Variants in CENATAC observed in about 807,000 individuals in gnomAD.
CENATAC encodes coiled-coil domain containing 84.
CENATAC carries 53 observed loss-of-function variants against 53.7 expected under a neutral mutation model. The observed-to-expected ratio is 0.99, with a 90% confidence interval of 0.79 to 1.24. CENATAC has a LOEUF of 1.24. Ranked by LOEUF, CENATAC falls within the 50% of genes most tolerant of loss-of-function variation. CENATAC has a pLI of 0.00. For missense variants in CENATAC, 474 were observed against 417.8 expected, an observed-to-expected ratio of 1.13 and a Z score of -1.17; for synonymous variants, 156 against 144.6, an observed-to-expected ratio of 1.08 and a Z score of -0.57.
In CENATAC at chr11:119,015,330, C is replaced by A. The variant is rs964767391; in HGVS notation, c.829C>A (p.Leu277Ile). The A allele has an allele frequency of 6.8e-6, 11 of 1,612,128 alleles. No individual in the cohort carries two copies. The highest frequency in any genetic ancestry group is 8.5e-6 in the Non-Finnish European group (10 of 1,179,502). Reference protein sequence around the residue: ...KEKEKQKLKKLPPDRVGANFD... With the variant: ...KEKEKQKLKKIPPDRVGANFD... Reference sequence around the variant, plus strand: ...AGAGGAAAAACAGAAGTTGAAAAAACTCCCCCCAGACCGAGTTGGGGCCAA... The same window carrying A: ...AGAGGAAAAACAGAAGTTGAAAAAAATCCCCCCAGACCGAGTTGGGGCCAA... Residue 277 changes from leucine (L) to isoleucine (I), a missense_variant, in exon 10 of 11, where the codon CTC becomes ATC. Coordinates refer to ENST00000334418, the MANE Select transcript of CENATAC (RefSeq NM_198489.3).
chr11:119,006,540 T>C (rs184120031), intron 3 of CENATAC, among the ~76,000 whole-genome samples: 72 of 150,676 alleles, frequency 4.8e-4, no homozygotes, highest in Admixed American at 2.4e-3. Context: ...CGGCCTAATT[T>C]TTGTATTTTT....
chr11:119,007,068 C>T (rs1196183091), intron 3 of CENATAC, among the ~76,000 whole-genome samples: 1 of 152,118 alleles, frequency 6.6e-6, no homozygotes, highest in Non-Finnish European at 1.5e-5. Flanking sequence ...ACTAAGACAC[C>T]CTGTCAACAT....
chr11:119,014,208 C>T (rs192898875), intron 8 of CENATAC: 1 of 152,248 alleles, frequency 6.6e-6, no homozygotes, highest in African/African-American at 2.4e-5. Context: ...AGATGTCTAT[C>T]AACAGGCAAA....
Position 118,999,712 on chromosome 11 carries a change from C to T in CENATAC, c.383+603C>T, listed in dbSNP as rs535156298. Among the ~76,000 whole-genome samples, 11 of 152,202 alleles carry T rather than the reference C, an allele frequency of 7.2e-5. No homozygotes were observed. In the South Asian group the frequency reaches 1.7e-3, roughly 23 times the overall value. On this transcript the variant is annotated intron_variant, in intron 3 of 10. Coordinates refer to ENST00000334418, the MANE Select transcript of CENATAC (RefSeq NM_198489.3). ...GGCTGGAGTGCAGTGGCGCGATCTCCGCTCACTGCAAGCTCTGCCTCCTGG... is the reference window on the plus strand; with the variant it reads ...GGCTGGAGTGCAGTGGCGCGATCTCTGCTCACTGCAAGCTCTGCCTCCTGG...
Position 119,015,261 on chromosome 11 carries a change from A to G in CENATAC, c.806-46A>G, listed in dbSNP as rs377451585. 3.8e-5 allele frequency: 59 copies of G among 1,550,510 alleles called. No individual in the cohort carries two copies. In the African/African-American group the frequency reaches 7.3e-4, roughly 19 times the overall value. ...GACAACATAGTGAGACCCCATCTCT[A>G]TATTCTTCAATAAAGAAAAATAAAA... On this transcript the variant is annotated intron_variant, in intron 9 of 10. Transcript: ENST00000334418.
chr11:119,006,679 A>G (rs1343419315), intron 3 of CENATAC, among the ~76,000 whole-genome samples: 2 of 152,090 alleles, frequency 1.3e-5, no homozygotes, highest in Non-Finnish European at 2.9e-5. Flanking sequence ...TAGTCCACCT[A>G]TTTCTAATGT....
In CENATAC at chr11:119,013,181, T is replaced by A. The variant is rs782389024; in HGVS notation, c.685-51T>A. ...CTATCGTTTCTAGGATTTTTTTTTTTAATCATGCCTAGACTTTAACTAGCA... is the reference window on the plus strand; with the variant it reads ...CTATCGTTTCTAGGATTTTTTTTTTAAATCATGCCTAGACTTTAACTAGCA... On this transcript the variant is annotated intron_variant, in intron 7 of 10. Coordinates refer to ENST00000334418, the MANE Select transcript of CENATAC (RefSeq NM_198489.3). The A allele has an allele frequency of 3.7e-5, 52 of 1,418,616 alleles. No individual in the cohort carries two copies. In the Admixed American group the frequency reaches 8.0e-4, roughly 22 times the overall value. The allele number at this position is 1,418,616 out of a possible 1,614,324, so 87.9% of individuals were successfully genotyped here.
chr11:119,015,385 G>A lies in CENATAC; in HGVS notation c.884G>A (p.Gly295Asp), dbSNP rs1272926948. The change falls in exon 10 of 11, where the codon GGC becomes GAC. Residue 295 changes from glycine to aspartate, a missense_variant. Coordinates refer to ENST00000334418, the MANE Select transcript of CENATAC (RefSeq NM_198489.3). Reference sequence around the variant, plus strand: ...GATCACAGCTCCAGGACCAGTGCAGGCTGGCTGCCCTCTTTTGGCCGCGTC... The same window carrying A: ...GATCACAGCTCCAGGACCAGTGCAGACTGGCTGCCCTCTTTTGGCCGCGTC... ...NFDHSSRTSA[G>D]WLPSFGRVWN... The A allele has an allele frequency of 6.2e-7, 1 of 1,614,098 alleles. No individual in the cohort carries two copies. The highest frequency in any genetic ancestry group is 1.7e-5 in the Admixed American group (1 of 59,992).
At chr11:119,013,943 T>A (rs931741325) in intron 8 of CENATAC, 1 of 152,170 alleles carries the variant, frequency 6.6e-6, no homozygotes, top group Non-Finnish European at 1.5e-5. Context: ...GAAATACCAC[T>A]ACATATGTAT....
chr11:119,010,912 G>C, intron 4 of CENATAC, 82 bp downstream of exon 4: 1 of 1,216,098 alleles, frequency 8.2e-7, no homozygotes, highest in Non-Finnish European at 1.2e-6. Context: ...GATGGACCCA[G>C]GCAGGGGATG....
intron 3 of CENATAC, chr11:119,001,904 G>T: frequency 4.1e-6 from 1 of 241,526 alleles, no homozygotes; most frequent in Non-Finnish European, 8.6e-6. Flanking sequence ...AAAGAAATAC[G>T]AATTTTTTTT....
chr11:119,012,089 A>T (rs1468798422), intron 6 of CENATAC, 60 bp from the exon 7 acceptor site: 1 of 1,613,798 alleles, frequency 6.2e-7, no homozygotes, highest in Non-Finnish European at 8.5e-7. Flanking sequence ...AAACAGATCT[A>T]ATCTTTACCA....
intron 3 of CENATAC, among the ~76,000 whole-genome samples, chr11:118,999,804 G>A (rs546828231): frequency 3.3e-5 from 5 of 152,254 alleles, no homozygotes; most frequent in South Asian, 4.1e-4. Flanking sequence ...CACCACGCCC[G>A]GCTAATTTTT....
chr11:119,015,652 T>C lies in CENATAC; in HGVS notation c.*54T>C, dbSNP rs1943132251. On this transcript the variant is annotated 3_prime_UTR_variant, in exon 11 of 11. Coordinates refer to ENST00000334418, the MANE Select transcript of CENATAC (RefSeq NM_198489.3). ...TAAAAGCAAAGTCAACAAACCCCTA[T>C]TATACCTTCCACCAAATTCTTTATC... The C allele has an allele frequency of 1.3e-6, 2 of 1,548,134 alleles. No individual in the cohort carries two copies. Among genetic ancestry groups the C allele is most frequent in the Non-Finnish European group, 1.8e-6 (2 of 1,123,578 alleles).
chr11:119,011,760 C>T (rs1186686798), intron 5 of CENATAC, among the ~76,000 whole-genome samples, 179 bp from the exon 6 acceptor site: 2 of 147,978 alleles, frequency 1.4e-5, no homozygotes, highest in African/African-American at 4.9e-5. Context: ...CAGGCCTAGT[C>T]AGTGAATATG....
At chr11:119,001,267 G>C (rs569266263) in intron 3 of CENATAC, among the ~76,000 whole-genome samples, 1 of 152,184 alleles carries the variant, frequency 6.6e-6, no homozygotes, top group Non-Finnish European at 1.5e-5. Context: ...AATTGTGACA[G>C]TTGTAGTTTG....
At chr11:119,011,849 C>T in intron 5 of CENATAC, 90 bp from the exon 6 acceptor site, 1 of 1,110,062 alleles carries the variant, frequency 9.0e-7, no homozygotes, top group South Asian at 1.3e-5. Context: ...TGTTTCCTTC[C>T]TGTGATACTG....
Position 119,015,065 on chromosome 11 carries a change from G to T in CENATAC, c.787G>T (p.Glu263Ter). 1.2e-6 allele frequency: 2 copies of T among 1,610,804 alleles called. No homozygotes were observed. Among genetic ancestry groups the T allele is most frequent in the East Asian group, 2.2e-5 (1 of 44,846 alleles). Residue 263 changes from glutamate (E) to a stop codon, truncating the protein, a stop_gained, in exon 9 of 11, where the codon GAA becomes TAA. Transcript: ENST00000334418. LOFTEE classifies it high-confidence loss of function. ...GAACCAAGAAATAGGACCATCCTAT[G>T]AAGAATTTCTTAAAGAAAGTAAGTA... ...AGNQEIGPSYEEFLKEKEKQK... is the reference protein window; with the variant it reads ...AGNQEIGPSY
chr11:118,999,860 T>A (rs571440030), intron 3 of CENATAC, among the ~76,000 whole-genome samples: 88 of 152,314 alleles, frequency 5.8e-4, no homozygotes, highest in Non-Finnish European at 1.1e-3. Context: ...GCCAGGATGG[T>A]CTCGATCTCC....
Sources: gnomAD v4.1 joint callset for allele counts (sites outside exome capture counted in the v4.1 genomes callset) on GRCh38, gnomAD v4.1.1 for gene constraint, MANE v1.5 for transcripts, NCBI Gene and HGNC (gene_info 2026-07-23, HGNC 2026-07-21) for gene names.